SLC33A1: variants seen among roughly 807,000 people sequenced by gnomAD.
SLC33A1 encodes acetyl-coenzyme A transporter 1.
A neutral mutation model predicts 50.0 loss-of-function variants in SLC33A1; 20 were observed. That is an observed-to-expected ratio of 0.40 (90% confidence interval 0.28 to 0.58). SLC33A1 has a LOEUF of 0.58. Among genes scored for constraint, SLC33A1 ranks in the 20% least tolerant of loss-of-function variants. The pLI is 0.44. For synonymous variants in SLC33A1, 265 were observed against 251.8 expected, an observed-to-expected ratio of 1.05 and a Z score of -0.50; for missense variants, 476 against 657.0, an observed-to-expected ratio of 0.72 and a Z score of 3.01.
rs1227484947 is a variant in SLC33A1 at position 155,854,187 on chromosome 3, G to C, written c.-190C>G. ...GCTGAAGCCGGGAGCCAGTCCTCTG[G>C]CTAGAGGCCCAGAGGATGCCTGGAT... is the stretch of plus-strand genomic sequence containing the variant. On this transcript the variant is annotated 5_prime_UTR_variant, in exon 1 of 6. Coordinates refer to ENST00000643144, the MANE Select transcript of SLC33A1 (RefSeq NM_004733.4). 1 of 486,662 alleles carries C rather than the reference G, an allele frequency of 2.1e-6. No individual in the cohort carries two copies. The highest frequency in any genetic ancestry group is 3.6e-6 in the Non-Finnish European group (1 of 278,802). The allele number at this position is 486,662 out of a possible 1,614,324, so 30.1% of individuals were successfully genotyped here.
At chr3:155,834,357 C>T (rs780436053) in intron 2 of SLC33A1, among the ~76,000 whole-genome samples, 4 of 152,084 alleles carry the variant, frequency 2.6e-5, no homozygotes, top group Admixed American at 6.6e-5. Flanking sequence ...TCCAAATTTA[C>T]CAATTTGAAA....
chr3:155,834,839 A>G (rs1560014380), intron 2 of SLC33A1, among the ~76,000 whole-genome samples: 3 of 143,364 alleles, frequency 2.1e-5, no homozygotes, highest in South Asian at 5.2e-4. Context: ...CTCAACCCAA[A>G]CAAGAAGAAA....
chr3:155,852,753 C>T (rs1421606811), intron 1 of SLC33A1, among the ~76,000 whole-genome samples: 2 of 152,182 alleles, frequency 1.3e-5, no homozygotes, highest in African/African-American at 4.8e-5. Context: ...CATTAGAGGC[C>T]TTAGAATCCC....
At chr3:155,832,309 C>T (rs1416523437) in intron 4 of SLC33A1, among the ~76,000 whole-genome samples, 2 of 151,462 alleles carry the variant, frequency 1.3e-5, no homozygotes, top group African/African-American at 4.9e-5. Flanking sequence ...ACCCTGGAGG[C>T]GGAGGTTGCG....
At chr3:155,838,849 T>TA (rs921088381) in intron 2 of SLC33A1, among the ~76,000 whole-genome samples, 7 of 150,428 alleles carry the variant, frequency 4.7e-5, no homozygotes, top group East Asian at 2.0e-4. Context: ...GACCTCATCT[T>TA]AAAAAAAATA....
chr3:155,846,105 T>C (rs1753161417), intron 1 of SLC33A1, among the ~76,000 whole-genome samples: 1 of 152,202 alleles, frequency 6.6e-6, no homozygotes, highest in Non-Finnish European at 1.5e-5. Context: ...TAACAATTCA[T>C]TAGTAACCAA....
At chr3:155,836,828 G>A (rs191779527) in intron 2 of SLC33A1, among the ~76,000 whole-genome samples, 3 of 152,262 alleles carry the variant, frequency 2.0e-5, no homozygotes, top group Admixed American at 6.5e-5. Flanking sequence ...GGAGGTCAGG[G>A]CTGCAATGAG....
At chr3:155,836,940 C>T (rs1752704702) in intron 2 of SLC33A1, among the ~76,000 whole-genome samples, 1 of 151,960 alleles carries the variant, frequency 6.6e-6, no homozygotes, top group Non-Finnish European at 1.5e-5. Flanking sequence ...AAGAAAAGGG[C>T]AACTTTGGAT....
At chr3:155,842,760 G>A in intron 1 of SLC33A1, 141 bp from the exon 2 acceptor site, 1 of 504,830 alleles carries the variant, frequency 2.0e-6, no homozygotes, top group South Asian at 2.9e-5. Flanking sequence ...TGTAATCCTA[G>A]CACTTTGGGA....
At chr3:155,852,849 T>C (rs1329311597) in intron 1 of SLC33A1, among the ~76,000 whole-genome samples, 1 of 151,990 alleles carries the variant, frequency 6.6e-6, no homozygotes, top group African/African-American at 2.4e-5. Context: ...ACGGTAGGGG[T>C]AGAAATGGAT....
At chr3:155,853,173 C>T (rs763332347) in intron 1 of SLC33A1, 50 bp downstream of exon 1, 1 of 1,515,540 alleles carries the variant, frequency 6.6e-7, no homozygotes, top group South Asian at 1.1e-5. Flanking sequence ...GTCACACACT[C>T]TTTCAAAAGG....
chr3:155,853,220 T>C lies in SLC33A1; in HGVS notation c.775+3A>G. 6.2e-7 allele frequency: 1 copy of C among 1,611,192 alleles called. No individual in the cohort carries two copies. Among genetic ancestry groups the C allele is most frequent in the East Asian group, 2.2e-5 (1 of 44,882 alleles). ...TAACACCATAATAGCTTAAATACAC[T>C]ACCTGAAAGAGTAACGATTCCTCTG... On this transcript the variant is annotated splice_donor_region_variant and intron_variant, in intron 1 of 5. Coordinates refer to ENST00000643144, the MANE Select transcript of SLC33A1 (RefSeq NM_004733.4).
intron 1 of SLC33A1, among the ~76,000 whole-genome samples, chr3:155,849,587 G>GAA (rs72107048): frequency 7.1e-6 from 1 of 141,262 alleles, no homozygotes. Context: ...AATTCCACAG[G>GAA]AAAAAAAAAA....
intron 1 of SLC33A1, among the ~76,000 whole-genome samples, chr3:155,845,376 C>T (rs927163561): frequency 2.6e-5 from 4 of 152,090 alleles, no homozygotes; most frequent in African/African-American, 9.7e-5. Flanking sequence ...ACCCAAGCTG[C>T]AGTGCAGTGG....
rs948776610 is a variant in SLC33A1, at chr3:155,821,811, T to A, written c.*6399A>T. On this transcript the variant is annotated 3_prime_UTR_variant, in exon 6 of 6. Transcript: ENST00000643144. ...TAATTGAGACTGAGTCTCACTCTAT[T>A]GCCCAGGCTGGAGAATAGTAGCACA... is the stretch of plus-strand genomic sequence containing the variant. 1 of 146,290 alleles carries A rather than the reference T, an allele frequency of 6.8e-6. No homozygotes were observed. The highest frequency in any genetic ancestry group is 6.9e-5 in the Admixed American group (1 of 14,492). 9.1% of individuals were successfully genotyped at this position (146,290 alleles called of 1,614,324 possible). A position where few individuals can be genotyped will look rare whatever the true frequency, so the allele number is the denominator to read the frequency against.
rs1460603023 is a variant in SLC33A1 at position 155,824,485 on chromosome 3, A to G, written c.*3725T>C. The G allele has an allele frequency of 6.6e-6, 1 of 152,260 alleles. No homozygotes were observed. Among genetic ancestry groups the G allele is most frequent in the African/African-American group, 2.4e-5 (1 of 41,466 alleles). 9.4% of individuals were successfully genotyped at this position (152,260 alleles called of 1,614,324 possible). ...CATGAAGATTTCTCTTTTGTAGGATATAATTCACCCCTGTGGTTTCTCTTC... is the reference window on the plus strand; with the variant it reads ...CATGAAGATTTCTCTTTTGTAGGATGTAATTCACCCCTGTGGTTTCTCTTC... On this transcript the variant is annotated 3_prime_UTR_variant, in exon 6 of 6. Transcript: ENST00000643144.
rs541525163 is a variant in SLC33A1, at chr3:155,835,911, T to C, written c.964-1870A>G. On this transcript the variant is annotated intron_variant, in intron 2 of 5. Coordinates refer to ENST00000643144, the MANE Select transcript of SLC33A1 (RefSeq NM_004733.4). ...TTTGTGTGTCCACGTCCTTGATCTC[T>C]GTGGCTGTGAGACAGCAAACCTCAG... Among the ~76,000 whole-genome samples, 6 of 152,272 alleles carry C rather than the reference T, an allele frequency of 3.9e-5. No homozygotes were observed. In the South Asian group the frequency reaches 1.2e-3, roughly 32 times the overall value.
In SLC33A1 at chr3:155,853,527, A is replaced by C. The variant is rs1753498340; in HGVS notation, c.471T>G (p.Tyr157Ter). 6.2e-7 allele frequency: 1 copy of C among 1,614,082 alleles called. No homozygotes were observed. ...TQYILGLFMI[Y>*]LSTQVDRLLG... ...GCAAACGGTCCACCTGAGTGGATAA[A>C]TAGATCATGAAGAGTCCTAGTATAT... is the stretch of plus-strand genomic sequence containing the variant. The change falls in exon 1 of 6, where the codon TAT (tyrosine) becomes TAG (stop). Residue 157 changes from tyrosine (Y) to a stop codon, truncating the protein, a stop_gained. Coordinates refer to ENST00000643144, the MANE Select transcript of SLC33A1 (RefSeq NM_004733.4). LOFTEE classifies it high-confidence loss of function.
intron 1 of SLC33A1, among the ~76,000 whole-genome samples, chr3:155,848,715 G>C (rs1030996370): frequency 6.6e-6 from 1 of 152,002 alleles, no homozygotes; most frequent in Admixed American, 6.6e-5. Context: ...TAGCAATCTT[G>C]GGATCCTATT....
Sources: allele counts gnomAD v4.1 joint callset (sites outside exome capture counted in the v4.1 genomes callset), GRCh38; gene constraint gnomAD v4.1.1; transcripts MANE v1.5; gene names NCBI Gene and HGNC (gene_info 2026-07-23, HGNC 2026-07-21).